AIG1: variants seen among roughly 807,000 people sequenced by gnomAD.
The protein encoded by AIG1 is androgen-induced gene 1 protein.
A neutral mutation model predicts 31.4 loss-of-function variants in AIG1; 23 were observed. The ratio of observed to expected loss-of-function variants is 0.73; its 90% CI spans 0.53 to 1.04. AIG1 has a LOEUF of 1.04. AIG1 is among the 50% of genes least tolerant of loss of function. The pLI is 0.00. For missense variants in AIG1, 274 were observed against 295.0 expected, an observed-to-expected ratio of 0.93 and a Z score of 0.52; for synonymous variants, 100 against 110.5, an observed-to-expected ratio of 0.90 and a Z score of 0.60.
At chr6:143,164,944 A>G (rs952847450) in intron 2 of AIG1, 138 bp from the exon 3 acceptor site, 36 of 630,466 alleles carry the variant, frequency 5.7e-5, no homozygotes, top group Non-Finnish European at 9.6e-5. Flanking sequence ...TGTGTTTCCA[A>G]TCATTAGCTG....
chr6:143,264,817 A>G (rs940297634), intron 3 of AIG1, among the ~76,000 whole-genome samples: 2 of 152,172 alleles, frequency 1.3e-5, no homozygotes, highest in Non-Finnish European at 2.9e-5. Context: ...ACCATATATC[A>G]CTGAACACAC....
intron 1 of AIG1, chr6:143,094,346 A>G (rs1779564104): frequency 6.6e-6 from 1 of 152,236 alleles, no homozygotes; most frequent in Non-Finnish European, 1.5e-5. Flanking sequence ...GGGTAGGAAG[A>G]AGTAGTAAAA....
At chr6:143,180,276 A>G (rs1004748585) in intron 3 of AIG1, among the ~76,000 whole-genome samples, 2 of 152,248 alleles carry the variant, frequency 1.3e-5, no homozygotes, top group Non-Finnish European at 2.9e-5. Flanking sequence ...AGGCTGCAGG[A>G]TGAGAAAAAC....
At chr6:143,149,184 C>T (rs1163839490) in intron 2 of AIG1, among the ~76,000 whole-genome samples, 1 of 152,044 alleles carries the variant, frequency 6.6e-6, no homozygotes, top group Non-Finnish European at 1.5e-5. Flanking sequence ...TATCTATGTA[C>T]ATGAGGCCTG....
chr6:143,195,380 G>A (rs1790140676), intron 3 of AIG1, among the ~76,000 whole-genome samples: 1 of 152,224 alleles, frequency 6.6e-6, no homozygotes, highest in Admixed American at 6.5e-5. Context: ...GCAAGGCTAA[G>A]TTGTGTGAGT....
Position 143,334,662 on chromosome 6 carries a change from A to G in AIG1, c.679+1217A>G, listed in dbSNP as rs970200062. 6.6e-6 allele frequency among the ~76,000 whole-genome samples: 1 copy of G among 152,246 alleles called. No homozygotes were observed. Among genetic ancestry groups the G allele is most frequent in the African/African-American group, 2.4e-5 (1 of 41,464 alleles). ...TGGAAATAGTGATCTTTCTCCATTA[A>G]TTTACAGAAGTATTTAGTTACTTGA... On this transcript the variant is annotated intron_variant, in intron 5 of 5. Coordinates refer to ENST00000357847, the MANE Select transcript of AIG1 (RefSeq NM_016108.4). The surrounding 1 kb of genome is among the most constrained non-coding windows in gnomAD (Gnocchi z 5.1).
At chr6:143,324,339 G>T (rs533557207) in intron 4 of AIG1, among the ~76,000 whole-genome samples, 1 of 152,276 alleles carries the variant, frequency 6.6e-6, no homozygotes, top group Admixed American at 6.5e-5. Flanking sequence ...GATTTATCTT[G>T]CATCTTGCAA....
At chr6:143,342,302 C>T (rs1263852756), downstream of AIG1, 1 of 684,018 alleles carries the variant, frequency 1.5e-6, no homozygotes, top group Non-Finnish European at 2.7e-6. Context: ...CGTGGGCTCC[C>T]CTGGTGCGCA....
In AIG1 at chr6:143,331,632, A is replaced by G. The variant is rs1210735655; in HGVS notation, c.516-1650A>G. ...GATGTGTTTCTATATACATATATGT[A>G]CATCTGTGTGTGTGTATATATGTGT... On this transcript the variant is annotated intron_variant, in intron 4 of 5. Coordinates refer to ENST00000357847, the MANE Select transcript of AIG1 (RefSeq NM_016108.4). This position sits in a 1 kb window ranked among gnomAD's most constrained non-coding sequence, Gnocchi z 4.1. Among the ~76,000 whole-genome samples the G allele has an allele frequency of 6.6e-6, 1 of 151,962 alleles. No homozygotes were observed. The highest frequency in any genetic ancestry group is 2.4e-5 in the African/African-American group (1 of 41,360).
intron 2 of AIG1, among the ~76,000 whole-genome samples, chr6:143,147,142 T>G (rs1296349477): frequency 6.6e-6 from 1 of 152,138 alleles, no homozygotes; most frequent in South Asian, 2.1e-4. Flanking sequence ...GATTTACCCA[T>G]AGCAACAAAT....
At chr6:143,212,068 T>C (rs925492901) in intron 3 of AIG1, among the ~76,000 whole-genome samples, 2 of 152,128 alleles carry the variant, frequency 1.3e-5, no homozygotes, top group Non-Finnish European at 2.9e-5. Context: ...CTGTGCATTG[T>C]AGAATGTTTA....
intron 1 of AIG1, among the ~76,000 whole-genome samples, chr6:143,062,162 G>T (rs987412496): frequency 1.4e-4 from 22 of 152,170 alleles, no homozygotes; most frequent in African/African-American, 5.3e-4. Context: ...ATGCCTCAAA[G>T]AAATGCAGAG....
chr6:143,214,192 A>G (rs1791825999), intron 3 of AIG1, among the ~76,000 whole-genome samples: 2 of 152,188 alleles, frequency 1.3e-5, no homozygotes, highest in Non-Finnish European at 2.9e-5. Flanking sequence ...CTGCCAAAAC[A>G]TGCAGATAGT....
At chr6:143,188,197 C>T (rs1789449604) in intron 3 of AIG1, 1 of 994,674 alleles carries the variant, frequency 1.0e-6, no homozygotes, top group Non-Finnish European at 1.2e-6. Context: ...TCGTAAGCTG[C>T]CCATCGATAT....
At chr6:143,143,375 C>G (rs570622475) in intron 2 of AIG1, among the ~76,000 whole-genome samples, 1 of 149,052 alleles carries the variant, frequency 6.7e-6, no homozygotes, top group Admixed American at 6.7e-5. Flanking sequence ...GTGGCGGGTG[C>G]CTGTAGTCCT....
rs546853185 is a variant in AIG1, at chr6:143,339,795, C to T, written c.*119C>T. Reference sequence around the variant, plus strand: ...ACTTGGTGGCATCAGCACCCCCCTCCCCCAATGAGGACACCTTTTATATAT... The same window carrying T: ...ACTTGGTGGCATCAGCACCCCCCTCTCCCAATGAGGACACCTTTTATATAT... On this transcript the variant is annotated 3_prime_UTR_variant, in exon 6 of 6. Coordinates refer to ENST00000357847, the MANE Select transcript of AIG1 (RefSeq NM_016108.4). 1.3e-5 allele frequency: 12 copies of T among 935,604 alleles called. No homozygotes were observed. In the African/African-American group the frequency reaches 1.7e-4, roughly 13 times the overall value. The allele number at this position is 935,604 out of a possible 1,614,324, so 58.0% of individuals were successfully genotyped here. A position where few individuals can be genotyped will look rare whatever the true frequency, so the allele number is the denominator to read the frequency against.
At chr6:143,177,133 T>TGTTA (rs1583424238) in intron 3 of AIG1, among the ~76,000 whole-genome samples, 2 of 152,388 alleles carry the variant, frequency 1.3e-5, no homozygotes, top group East Asian at 3.9e-4. Flanking sequence ...TATTCAGTTC[T>TGTTA]AACATTTCTG....
chr6:143,329,996 T>A lies in AIG1; in HGVS notation c.516-3286T>A, dbSNP rs1776943865. ...AATATAGTGACAAAAAGCATAAAGA[T>A]TTTGGAGGTTTTTTTTGAGATTAAA... On this transcript the variant is annotated intron_variant, in intron 4 of 5. Coordinates refer to ENST00000357847, the MANE Select transcript of AIG1 (RefSeq NM_016108.4). The surrounding 1 kb of genome is among the most constrained non-coding windows in gnomAD (Gnocchi z 4.9). Among the ~76,000 whole-genome samples the A allele has an allele frequency of 6.6e-6, 1 of 152,144 alleles. No homozygotes were observed. Among genetic ancestry groups the A allele is most frequent in the African/African-American group, 2.4e-5 (1 of 41,430 alleles).
At chr6:143,237,594 C>G (rs1793904615) in intron 3 of AIG1, among the ~76,000 whole-genome samples, 1 of 152,180 alleles carries the variant, frequency 6.6e-6, no homozygotes, top group Non-Finnish European at 1.5e-5. Context: ...CATTGAACTT[C>G]TCTCTCCCCT....
Sources: gnomAD v4.1 joint callset for allele counts (sites outside exome capture counted in the v4.1 genomes callset) on GRCh38, gnomAD v4.1.1 for gene constraint, Gnocchi (gnomAD v3.1) non-coding constraint, MANE v1.5 for transcripts, NCBI Gene and HGNC (gene_info 2026-07-23, HGNC 2026-07-21) for gene names.